NECAB1: variants seen among roughly 807,000 people sequenced by gnomAD.
The protein encoded by NECAB1 is N-terminal EF-hand calcium-binding protein 1.
Under a neutral mutation model 57.5 loss-of-function variants are expected in NECAB1, and 29 were observed. The observed-to-expected ratio is 0.50, with a 90% CI of 0.38 to 0.69. NECAB1 has a LOEUF of 0.69. Among genes scored for constraint, NECAB1 ranks in the 30% least tolerant of loss-of-function variants. The pLI is 0.00. For missense variants in NECAB1, 372 were observed against 413.8 expected, an observed-to-expected ratio of 0.90 and a Z score of 0.88; for synonymous variants, 142 against 147.7, an observed-to-expected ratio of 0.96 and a Z score of 0.28.
intron 3 of NECAB1, among the ~76,000 whole-genome samples, chr8:90,825,266 A>G (rs1439995743): frequency 6.6e-6 from 1 of 151,844 alleles, no homozygotes; most frequent in Non-Finnish European, 1.5e-5. Context: ...TGAATTCCAA[A>G]TCACTGTTAC....
intron 3 of NECAB1, among the ~76,000 whole-genome samples, chr8:90,839,838 A>C (rs1483531980): frequency 1.3e-5 from 2 of 152,204 alleles, no homozygotes; most frequent in African/African-American, 4.8e-5. Flanking sequence ...GGTCAGTGCC[A>C]AGCCATTGAA....
At chr8:90,880,363 G>A (rs982990388) in intron 4 of NECAB1, among the ~76,000 whole-genome samples, 2 of 151,960 alleles carry the variant, frequency 1.3e-5, no homozygotes, top group Non-Finnish European at 2.9e-5. Flanking sequence ...GAAATGCATA[G>A]ATTTCTATAA....
chr8:90,940,293 G>A (rs1810638801), intron 9 of NECAB1: 1 of 153,054 alleles, frequency 6.5e-6, no homozygotes, highest in Admixed American at 6.5e-5. Context: ...TTGAAATCTA[G>A]TTGTTTGTAA....
At chr8:90,916,798 GTCTGCAGTGACC>G (rs969900448) in intron 5 of NECAB1, among the ~76,000 whole-genome samples, 12 of 152,086 alleles carry the variant, frequency 7.9e-5, no homozygotes, top group African/African-American at 2.9e-4. Flanking sequence ...CACTTATTCA[GTCTGCAGTGACC>G]TCTGCAGTGA....
At chr8:90,918,433 TA>T (rs1165939447) in intron 6 of NECAB1, among the ~76,000 whole-genome samples, 2 of 152,008 alleles carry the variant, frequency 1.3e-5, no homozygotes, top group East Asian at 3.9e-4. Context: ...ATCATATAAA[TA>T]AGACATGAAC....
chr8:90,936,734 A>G (rs904748233), intron 9 of NECAB1, among the ~76,000 whole-genome samples: 4 of 152,190 alleles, frequency 2.6e-5, no homozygotes, highest in African/African-American at 7.2e-5. Flanking sequence ...AGCAACTGCC[A>G]TCTCTAGTTT....
chr8:90,791,815 C>A lies in NECAB1; in HGVS notation c.-72C>A. ...CCCGGCGGCGGCGAAGCAGCAGCTGCGGCCGCGCCCTTGCCAGAGCCGGTG... is the reference window on the plus strand; with the variant it reads ...CCCGGCGGCGGCGAAGCAGCAGCTGAGGCCGCGCCCTTGCCAGAGCCGGTG... On this transcript the variant is annotated 5_prime_UTR_variant, in exon 1 of 13. Coordinates refer to ENST00000417640, the MANE Select transcript of NECAB1 (RefSeq NM_022351.5). 1.6e-6 allele frequency: 2 copies of A among 1,272,924 alleles called. No homozygotes were observed. The highest frequency in any genetic ancestry group is 2.6e-5 in the East Asian group (1 of 38,272). The allele number at this position is 1,272,924 out of a possible 1,614,324, so 78.9% of individuals were successfully genotyped here. A position where few individuals can be genotyped will look rare whatever the true frequency, so the allele number is the denominator to read the frequency against.
intron 5 of NECAB1, among the ~76,000 whole-genome samples, chr8:90,914,023 G>A (rs1809892447): frequency 6.6e-6 from 1 of 152,212 alleles, no homozygotes; most frequent in Non-Finnish European, 1.5e-5. Context: ...GTGGTGACCA[G>A]CCAGTGGCAA....
chr8:90,912,487 GTTT>G (rs1809853100), intron 5 of NECAB1, among the ~76,000 whole-genome samples: 1 of 152,096 alleles, frequency 6.6e-6, no homozygotes, highest in South Asian at 2.1e-4. Context: ...TTTATTAATT[GTTT>G]AATAATATTT....
chr8:90,923,997 TAGAAC>T (rs1246568590), intron 6 of NECAB1, among the ~76,000 whole-genome samples: 2 of 152,142 alleles, frequency 1.3e-5, no homozygotes, highest in South Asian at 2.1e-4. Flanking sequence ...TCCAGTTTGA[TAGAAC>T]AGATCAAGAG....
rs377183291 is a variant in NECAB1, at chr8:90,792,110, C to A, written c.99+125C>A. 2.1e-4 allele frequency: 148 copies of A among 715,702 alleles called. No homozygotes were observed. The African/African-American group carries it at 2.4e-3, about 11-fold the overall frequency. The allele number at this position is 715,702 out of a possible 1,614,324, so 44.3% of individuals were successfully genotyped here. On this transcript the variant is annotated intron_variant, in intron 1 of 12. Transcript: ENST00000417640. ...TCCCCAGAACACAGGCGAGAACTAC[C>A]GATGCAAATGCAGGAGGAACGACTG... is the stretch of plus-strand genomic sequence containing the variant.
intron 8 of NECAB1, among the ~76,000 whole-genome samples, chr8:90,931,953 C>A (rs528184164): frequency 1.5e-4 from 22 of 151,364 alleles, no homozygotes; most frequent in Admixed American, 3.3e-4. Flanking sequence ...CAAAAAAAAA[C>A]CCCACCTTTA....
intron 2 of NECAB1, among the ~76,000 whole-genome samples, chr8:90,815,560 C>T (rs1485945241): frequency 6.6e-6 from 1 of 151,948 alleles, no homozygotes; most frequent in Non-Finnish European, 1.5e-5. Flanking sequence ...TCCCTCCAAC[C>T]TCCCCAAACT....
At chr8:90,947,392 CTTTT>C (rs760323596) in intron 10 of NECAB1, among the ~76,000 whole-genome samples, 3 of 121,844 alleles carry the variant, frequency 2.5e-5, no homozygotes, top group Admixed American at 1.8e-4. Context: ...CATGTAACTT[CTTTT>C]TTTTTTTTTC....
intron 5 of NECAB1, among the ~76,000 whole-genome samples, chr8:90,883,233 T>C (rs1273590478): frequency 6.6e-6 from 1 of 151,894 alleles, no homozygotes; most frequent in African/African-American, 2.4e-5. Flanking sequence ...AAAACATATG[T>C]CTCTGATTTA....
At chr8:90,871,677 G>C (rs985663251) in intron 3 of NECAB1, among the ~76,000 whole-genome samples, 1 of 152,090 alleles carries the variant, frequency 6.6e-6, no homozygotes, top group South Asian at 2.1e-4. Context: ...GCCAATTACA[G>C]TTCAGTGCTT....
chr8:90,913,395 G>C (rs1167848063), intron 5 of NECAB1, among the ~76,000 whole-genome samples: 3 of 151,838 alleles, frequency 2.0e-5, no homozygotes, highest in Non-Finnish European at 4.4e-5. Flanking sequence ...AACATTATTA[G>C]GATCTGAGAA....
At chr8:90,887,717 T>C (rs1586087943) in intron 5 of NECAB1, among the ~76,000 whole-genome samples, 1 of 152,120 alleles carries the variant, frequency 6.6e-6, no homozygotes, top group East Asian at 1.9e-4. Context: ...CTTTGACTTT[T>C]TAAGGAGGCA....
chr8:90,946,006 C>T (rs1395348778), intron 10 of NECAB1, among the ~76,000 whole-genome samples: 1 of 152,240 alleles, frequency 6.6e-6, no homozygotes, highest in Admixed American at 6.5e-5. Flanking sequence ...GAAAGCTAAT[C>T]ATTCAAGCCC....
Sources: allele counts gnomAD v4.1 joint callset (sites outside exome capture counted in the v4.1 genomes callset), GRCh38; gene constraint gnomAD v4.1.1; transcripts MANE v1.5; gene names NCBI Gene and HGNC (gene_info 2026-07-23, HGNC 2026-07-21).